Variants in DIP2C observed in about 807,000 individuals in gnomAD.
DIP2C encodes the protein disco-interacting protein 2 homolog C.
A neutral mutation model predicts 192.4 loss-of-function variants in DIP2C; 33 were observed. That is an observed-to-expected ratio of 0.17 (90% CI 0.13 to 0.23). The LOEUF is 0.23. Among genes scored for constraint, DIP2C ranks in the 10% least tolerant of loss-of-function variants. The pLI, the probability that DIP2C is intolerant of heterozygous loss-of-function variation, is 1.00. For synonymous variants in DIP2C, 979 were observed against 864.1 expected (o/e 1.13, Z -2.33); for missense variants, 1,537 against 2,110.1 (o/e 0.73, Z 5.32).
At chr10:550,434 C>T (rs1848523921) in intron 1 of DIP2C, among the ~76,000 whole-genome samples, 1 of 152,228 alleles carries the variant, frequency 6.6e-6, no homozygotes, top group African/African-American at 2.4e-5. Context: ...AGAGACGCTG[C>T]AGTTCCACAC....
chr10:612,062 A>T (rs191518308), intron 1 of DIP2C, among the ~76,000 whole-genome samples: 1 of 152,278 alleles, frequency 6.6e-6, no homozygotes, highest in Non-Finnish European at 1.5e-5. Flanking sequence ...TTGGGAGGCC[A>T]AGGTGAGCGC....
chr10:378,403 ACAGACATGAAGGCATG>A (rs1961897473), intron 17 of DIP2C, among the ~76,000 whole-genome samples: 1 of 152,258 alleles, frequency 6.6e-6, no homozygotes, highest in Non-Finnish European at 1.5e-5. Context: ...ACAGGTGAAG[ACAGACATGAAGGCATG>A]CATGCATGAA....
intron 1 of DIP2C, among the ~76,000 whole-genome samples, chr10:521,240 C>G (rs1177939367): frequency 6.6e-6 from 1 of 152,140 alleles, no homozygotes; most frequent in Non-Finnish European, 1.5e-5. Flanking sequence ...GCAGGCAAAT[C>G]CCACCAAGCA....
chr10:302,984 G>C (rs1425821630), intron 32 of DIP2C, among the ~76,000 whole-genome samples: 2 of 152,006 alleles, frequency 1.3e-5, no homozygotes, highest in African/African-American at 4.8e-5. Flanking sequence ...ATACTCGTGA[G>C]GTCAGACATC....
chr10:575,921 A>C (rs1168342808), intron 1 of DIP2C, among the ~76,000 whole-genome samples: 2 of 152,190 alleles, frequency 1.3e-5, no homozygotes, highest in African/African-American at 4.8e-5. Context: ...CTGAGCTCGC[A>C]CTTTCAGGAT....
At chr10:503,587 C>T (rs1321265997) in intron 1 of DIP2C, among the ~76,000 whole-genome samples, 3 of 152,192 alleles carry the variant, frequency 2.0e-5, no homozygotes, top group Admixed American at 6.5e-5. Flanking sequence ...ATCCAGGAGT[C>T]GTCACTGACA....
At chr10:601,582 A>C (rs770841497) in intron 1 of DIP2C, among the ~76,000 whole-genome samples, 145 of 152,302 alleles carry the variant, frequency 9.5e-4, no homozygotes, top group Non-Finnish European at 1.7e-3. Flanking sequence ...TGGAATGCAG[A>C]CTTGTGGCAG....
chr10:588,490 A>G (rs930688660), intron 1 of DIP2C, among the ~76,000 whole-genome samples: 1 of 152,236 alleles, frequency 6.6e-6, no homozygotes, highest in Non-Finnish European at 1.5e-5. Context: ...GAGGTCAGGG[A>G]AAGTTCAACC....
chr10:577,792 ATGTTT>A (rs1015112739), intron 1 of DIP2C, among the ~76,000 whole-genome samples: 40 of 151,830 alleles, frequency 2.6e-4, no homozygotes, highest in African/African-American at 2.7e-4. Flanking sequence ...AAACCCAGAG[ATGTTT>A]TGTTTTGTTT....
At chr10:308,650 T>A (rs1956435495) in intron 32 of DIP2C, among the ~76,000 whole-genome samples, 1 of 152,248 alleles carries the variant, frequency 6.6e-6, no homozygotes, top group South Asian at 2.1e-4. Flanking sequence ...CTGAACTTTG[T>A]CCCTGGCAGC....
At chr10:349,891 G>T (rs558479443) in intron 24 of DIP2C, among the ~76,000 whole-genome samples, 1 of 152,136 alleles carries the variant, frequency 6.6e-6, no homozygotes, top group East Asian at 1.9e-4. Context: ...CAAAAATCAA[G>T]GAAGTCAGAA....
rs1448215522 is a variant in DIP2C at position 666,599 on chromosome 10, CCTGTCTGCCCGTGGCCTGTCTGCCCG to C, written c.85+22869_85+22894del. The C allele has an allele frequency of 2.4e-3, 3 of 1,234 alleles. No individual in the cohort carries two copies. Among genetic ancestry groups the C allele is most frequent in the Non-Finnish European group, 0.019 (3 of 162 alleles). The allele number at this position is 1,234 out of a possible 1,614,324, so 0.1% of individuals were successfully genotyped here. A position where few individuals can be genotyped will look rare whatever the true frequency, so the allele number is the denominator to read the frequency against. The stretch of plus-strand genomic sequence containing the variant: ...GCAAAGCCACGAGGTCGGCCCGTGG[CCTGTCTGCCCGTGGCCTGTCTGCCCG>C]TGGCCTGTCTGCCCGTGGCCTGTCT... On this transcript the variant is annotated intron_variant, in intron 1 of 36. Coordinates refer to ENST00000280886, the MANE Select transcript of DIP2C (RefSeq NM_014974.3). This position sits in a 1 kb window ranked among gnomAD's most constrained non-coding sequence, Gnocchi z 4.1.
At chr10:446,339 A>C (rs572232353) in intron 3 of DIP2C, among the ~76,000 whole-genome samples, 1 of 150,458 alleles carries the variant, frequency 6.6e-6, no homozygotes, top group African/African-American at 2.5e-5. Context: ...ATCGGTATAC[A>C]ACTGTTGTGA....
chr10:450,361 A>G (rs1047128281), intron 3 of DIP2C, among the ~76,000 whole-genome samples: 7 of 152,212 alleles, frequency 4.6e-5, no homozygotes, highest in African/African-American at 1.7e-4. Flanking sequence ...ACCTTGACTC[A>G]CTTCTACAGA....
At chr10:460,258 A>G (rs746821732) in intron 3 of DIP2C, among the ~76,000 whole-genome samples, 1 of 152,242 alleles carries the variant, frequency 6.6e-6, no homozygotes, top group Non-Finnish European at 1.5e-5. Context: ...GGTGATAACT[A>G]AAGCTAGAAT....
intron 1 of DIP2C, among the ~76,000 whole-genome samples, chr10:571,561 C>G (rs1210347692): frequency 1.3e-5 from 2 of 152,084 alleles, no homozygotes; most frequent in Non-Finnish European, 2.9e-5. Context: ...TCACCTTCCT[C>G]ACTGCACTTC....
Position 347,507 on chromosome 10 carries a change from T to A in DIP2C, c.3231+1134A>T, listed in dbSNP as rs1282530830. On this transcript the variant is annotated intron_variant, in intron 26 of 36. Transcript: ENST00000280886. ...ACTCACCCGGACACATTGCGCATAG[T>A]TCTCCCGGAAACCCCACACGCACCC... is the stretch of plus-strand genomic sequence containing the variant. Among the ~76,000 whole-genome samples, 4 of 69,314 alleles carry A rather than the reference T, an allele frequency of 5.8e-5. 1 individual carries two copies. The East Asian group carries it at 1.6e-3, about 28-fold the overall frequency. 45.5% of individuals were successfully genotyped at this position (69,314 alleles called of 152,430 possible).
intron 31 of DIP2C, among the ~76,000 whole-genome samples, chr10:319,320 T>G (rs1355935769): frequency 1.3e-5 from 2 of 152,236 alleles, no homozygotes; most frequent in African/African-American, 2.4e-5. Flanking sequence ...TACTGTTGAT[T>G]TAATCCCACA....
At chr10:372,074 CTTT>C (rs71376826) in intron 17 of DIP2C, among the ~76,000 whole-genome samples, 20 of 137,580 alleles carry the variant, frequency 1.5e-4, no homozygotes, top group African/African-American at 4.0e-4. Context: ...ACCCCCTTTC[CTTT>C]TTTTTTTTTT....
Sources: allele counts gnomAD v4.1 joint callset (sites outside exome capture counted in the v4.1 genomes callset), GRCh38; gene constraint gnomAD v4.1.1; non-coding constraint Gnocchi (gnomAD v3.1); transcripts MANE v1.5; gene names NCBI Gene and HGNC (gene_info 2026-07-23, HGNC 2026-07-21).